The following GOLIM4 variants were observed in gnomAD, a reference collection of about 807,000 sequenced individuals.
GOLIM4 encodes the protein 130 kDa golgi-localized phosphoprotein.
A neutral mutation model predicts 107.4 loss-of-function variants in GOLIM4; 71 were observed. The observed-to-expected ratio is 0.66, with a 90% CI of 0.55 to 0.81. GOLIM4 has a LOEUF of 0.81. Ranked by LOEUF, GOLIM4 falls within the 30% of genes least tolerant of loss-of-function variation. The pLI is 0.00. For synonymous variants in GOLIM4, 327 were observed against 294.8 expected (o/e 1.11, Z -1.12); for missense variants, 830 against 826.1 (o/e 1.00, Z -0.06).
chr3:168,021,953 C>T (rs1481065933), intron 14 of GOLIM4, among the ~76,000 whole-genome samples: 1 of 152,040 alleles, frequency 6.6e-6, no homozygotes, highest in Non-Finnish European at 1.5e-5. Flanking sequence ...TGTTTGCTTA[C>T]AAGGCGATAA....
intron 8 of GOLIM4, among the ~76,000 whole-genome samples, chr3:168,034,045 T>C (rs1290119983): frequency 1.3e-5 from 2 of 152,214 alleles, no homozygotes; most frequent in Non-Finnish European, 2.9e-5. Context: ...ATCCTATTCT[T>C]AAATTAGCAG....
chr3:168,013,422 C>A (rs1478565227), intron 14 of GOLIM4, among the ~76,000 whole-genome samples: 2 of 151,812 alleles, frequency 1.3e-5, no homozygotes, highest in Non-Finnish European at 2.9e-5. Flanking sequence ...GAGACTTAGA[C>A]TCCCACGCAT....
rs991255332 is a variant in GOLIM4, at chr3:168,032,681, G to T, written c.1015C>A (p.His339Asn). 3.1e-6 allele frequency: 5 copies of T among 1,613,848 alleles called. No homozygotes were observed. Among genetic ancestry groups the T allele is most frequent in the Non-Finnish European group, 3.4e-6 (4 of 1,179,988 alleles). ...TCTTCCTCCTCCAGGGCCTTTCTGT[G>T]CTCCTCTTCCACCTGATGCTCCTCA... ...EPEEHQVEEE[H>N]RKALEEEEME... The change falls in exon 9 of 16, where the codon CAC becomes AAC. Residue 339 changes from histidine to asparagine, a missense_variant. Transcript: ENST00000470487.
chr3:168,034,156 C>T (rs149329161), intron 8 of GOLIM4, among the ~76,000 whole-genome samples: 1,561 of 152,246 alleles, frequency 0.01, 18 homozygotes, highest in Middle Eastern at 0.024. Flanking sequence ...CACATTCCAC[C>T]GACATCCTCA....
intron 7 of GOLIM4, 89 bp downstream of exon 7, chr3:168,040,697 T>C (rs772938873): frequency 3.9e-6 from 3 of 762,068 alleles, no homozygotes; most frequent in Non-Finnish European, 6.7e-6. Flanking sequence ...TCACTGAAGA[T>C]TGGCTTGTAA....
intron 12 of GOLIM4, among the ~76,000 whole-genome samples, chr3:168,027,478 G>GAA (rs36093119): frequency 5.5e-5 from 8 of 144,570 alleles, no homozygotes; most frequent in African/African-American, 1.8e-4. Context: ...AAAGTCATCA[G>GAA]AAAAAAAAAA....
In GOLIM4 at chr3:168,095,268, G is replaced by C; in HGVS notation, c.18C>G (p.Cys6Trp). The change falls in exon 1 of 16, where the codon TGC (cysteine) becomes TGG (tryptophan). Residue 6 changes from cysteine (C) to tryptophan (W), a missense_variant. Coordinates refer to ENST00000470487, the MANE Select transcript of GOLIM4 (RefSeq NM_014498.5). Reference sequence around the variant, plus strand: ...GGAAAATCCGCTTCTGCTTTCGGGAGCACATCCCGTTTCCCATAGTCCCGC... The same window carrying C: ...GGAAAATCCGCTTCTGCTTTCGGGACCACATCCCGTTTCCCATAGTCCCGC... Reference protein sequence around the residue: MGNGMCSRKQKRIFQT... With the variant: MGNGMWSRKQKRIFQT... The C allele has an allele frequency of 6.2e-7, 1 of 1,612,860 alleles. No individual in the cohort carries two copies. The highest frequency in any genetic ancestry group is 1.7e-5 in the Admixed American group (1 of 59,992).
chr3:168,014,898 T>C (rs1389433422), intron 14 of GOLIM4, among the ~76,000 whole-genome samples: 20 of 150,434 alleles, frequency 1.3e-4, no homozygotes, highest in Non-Finnish European at 1.5e-5. Context: ...TTCAAAATAA[T>C]AAGAGCTATC....
At position 168,032,525 on chromosome 3, in the gene GOLIM4, C is replaced by G; in HGVS notation, c.1171G>C (p.Ala391Pro). The G allele has an allele frequency of 6.2e-7, 1 of 1,613,446 alleles. No homozygotes were observed. Among genetic ancestry groups the G allele is most frequent in the South Asian group, 1.1e-5 (1 of 91,058 alleles). The change falls in exon 9 of 16, where the codon GCT becomes CCT. Residue 391 changes from alanine to proline, a missense_variant. Transcript: ENST00000470487. Reference sequence around the variant, plus strand: ...AGAAGCGGGTGACTTCATACCTCAGCACGCGCGTGCCCTTCCAGGAGGTTG... The same window carrying G: ...AGAAGCGGGTGACTTCATACCTCAGGACGCGCGTGCCCTTCCAGGAGGTTG... ...AANLLEGHAR[A>P]EVYPSAKPMI... is the part of the protein sequence containing the mutation.
In GOLIM4 at chr3:168,024,515, A is replaced by G. The variant is rs1392196654; in HGVS notation, c.1860+11T>C. 3 of 1,588,300 alleles carry G rather than the reference A, an allele frequency of 1.9e-6. No homozygotes were observed. The highest frequency in any genetic ancestry group is 1.1e-5 in the South Asian group (1 of 90,594). ...CAATCTGATCAGTCTCTGGGATTCA[A>G]TCCTTACTACCTCCTCTTCTGCCTC... On this transcript the variant is annotated intron_variant, in intron 14 of 15. Coordinates refer to ENST00000470487, the MANE Select transcript of GOLIM4 (RefSeq NM_014498.5).
intron 1 of GOLIM4, among the ~76,000 whole-genome samples, chr3:168,075,286 G>GTTTTT (rs374374393): frequency 1.1e-4 from 10 of 94,224 alleles, no homozygotes; most frequent in Admixed American, 2.2e-4. Context: ...ACATTCACTA[G>GTTTTT]TTTTTTTTTT....
intron 14 of GOLIM4, among the ~76,000 whole-genome samples, chr3:168,018,133 GA>G (rs1717478778): frequency 6.6e-6 from 1 of 151,982 alleles, no homozygotes; most frequent in Non-Finnish European, 1.5e-5. Context: ...TAATACCAAA[GA>G]AAGTCCGATC....
At chr3:168,075,284 TA>T (rs1721011785) in intron 1 of GOLIM4, among the ~76,000 whole-genome samples, 1 of 139,888 alleles carries the variant, frequency 7.1e-6, no homozygotes, top group Admixed American at 7.2e-5. Context: ...GGACATTCAC[TA>T]GTTTTTTTTT....
At chr3:168,083,984 A>G (rs1721496758) in intron 1 of GOLIM4, among the ~76,000 whole-genome samples, 1 of 152,164 alleles carries the variant, frequency 6.6e-6, no homozygotes, top group African/African-American at 2.4e-5. Context: ...CAGTGCTTAC[A>G]CTGTTTATCA....
intron 7 of GOLIM4, 79 bp downstream of exon 7, chr3:168,040,707 A>C: frequency 1.2e-6 from 1 of 851,584 alleles, no homozygotes; most frequent in Non-Finnish European, 1.9e-6. Context: ...TTGGCTTGTA[A>C]GAGACTACAT....
Position 168,047,015 on chromosome 3 carries a change from T to A in GOLIM4, c.263-16A>T. ...ACAAGAAAATCTAGAAAATACAAGA[T>A]GGAAAAAAACAGTGATAATTCACTA... On this transcript the variant is annotated splice_polypyrimidine_tract_variant and intron_variant, in intron 2 of 15. Transcript: ENST00000470487. 1 of 1,182,344 alleles carries A rather than the reference T, an allele frequency of 8.5e-7. No individual in the cohort carries two copies. 73.2% of individuals were successfully genotyped at this position (1,182,344 alleles called of 1,614,324 possible).
chr3:168,010,516 AG>A (rs1716942603), intron 15 of GOLIM4, 98 bp from the exon 16 acceptor site: 11 of 869,858 alleles, frequency 1.3e-5, no homozygotes, highest in Non-Finnish European at 1.4e-5. Context: ...TCATTTTTGG[AG>A]GAAAAAAAAG....
intron 1 of GOLIM4, among the ~76,000 whole-genome samples, chr3:168,054,964 G>A (rs1719862598): frequency 3.9e-5 from 6 of 152,150 alleles, no homozygotes; most frequent in Admixed American, 3.9e-4. Flanking sequence ...TCTTTTGTCT[G>A]CTGCCATGTG....
At chr3:168,075,955 C>T (rs1214607160) in intron 1 of GOLIM4, among the ~76,000 whole-genome samples, 2 of 152,128 alleles carry the variant, frequency 1.3e-5, no homozygotes, top group Non-Finnish European at 2.9e-5. Flanking sequence ...CACAAACATA[C>T]ATATATAATA....
Sources: gnomAD v4.1 joint callset for allele counts (sites outside exome capture counted in the v4.1 genomes callset) on GRCh38, gnomAD v4.1.1 for gene constraint, MANE v1.5 for transcripts, NCBI Gene and HGNC (gene_info 2026-07-23, HGNC 2026-07-21) for gene names.